The following NCKAP5 variants were observed in gnomAD, a reference collection of about 807,000 sequenced individuals.
NCKAP5 encodes NCK associated protein 5.
In NCKAP5, 92 loss-of-function variants were observed where a neutral mutation model predicts 167.0. The observed-to-expected ratio is 0.55, with a 90% confidence interval of 0.47 to 0.66. The LOEUF (loss-of-function observed/expected upper bound fraction) is 0.66. Ranked by LOEUF, NCKAP5 falls within the 30% of genes least tolerant of loss-of-function variation. The probability of loss-of-function intolerance (pLI) is 0.00; values close to 1 mark genes in which losing one functional copy is unlikely to be tolerated. For missense variants in NCKAP5, 2,378 were observed against 2,315.0 expected (o/e 1.03, Z -0.56); for synonymous variants, 891 against 877.4 (o/e 1.02, Z -0.27).
chr2:132,779,206 G>A (rs1417028219), intron 15 of NCKAP5, among the ~76,000 whole-genome samples: 1 of 152,152 alleles, frequency 6.6e-6, no homozygotes, highest in Non-Finnish European at 1.5e-5. Flanking sequence ...GATGAGAGAG[G>A]AAAAGCATGG....
intron 19 of NCKAP5, among the ~76,000 whole-genome samples, chr2:132,673,810 A>G (rs970250332): frequency 1.2e-4 from 18 of 152,290 alleles, no homozygotes; most frequent in African/African-American, 4.3e-4. Context: ...GTCCCTTTAT[A>G]GGACTTAAGA....
At chr2:133,565,094 G>A (rs1017303580) in intron 1 of NCKAP5, among the ~76,000 whole-genome samples, 18 of 152,184 alleles carry the variant, frequency 1.2e-4, no homozygotes, top group Admixed American at 1.1e-3. Flanking sequence ...AAGATATGGA[G>A]GATAAACTGA....
intron 6 of NCKAP5, among the ~76,000 whole-genome samples, chr2:133,082,102 G>A (rs2080830574): frequency 1.3e-5 from 2 of 152,066 alleles, no homozygotes; most frequent in African/African-American, 4.8e-5. Context: ...TGTTCTCAAT[G>A]TTGAGCTTCT....
intron 5 of NCKAP5, among the ~76,000 whole-genome samples, chr2:133,133,304 G>C (rs1178764411): frequency 6.6e-6 from 1 of 152,196 alleles, no homozygotes; most frequent in Non-Finnish European, 1.5e-5. Context: ...CCACTGAGCT[G>C]GGATGGCTTG....
chr2:133,427,692 A>G (rs1264601352), intron 3 of NCKAP5, among the ~76,000 whole-genome samples: 1 of 152,166 alleles, frequency 6.6e-6, no homozygotes, highest in Non-Finnish European at 1.5e-5. Flanking sequence ...GCAATGTGAG[A>G]AAATCACATA....
chr2:133,542,537 A>T (rs894964563), intron 2 of NCKAP5, among the ~76,000 whole-genome samples: 12 of 152,322 alleles, frequency 7.9e-5, no homozygotes, highest in African/African-American at 2.9e-4. Flanking sequence ...GCCTTCAAGT[A>T]GCAAACCTCA....
At chr2:133,391,929 C>T (rs751289128) in intron 3 of NCKAP5, among the ~76,000 whole-genome samples, 1 of 152,208 alleles carries the variant, frequency 6.6e-6, no homozygotes, top group Non-Finnish European at 1.5e-5. Flanking sequence ...ACCAAGATTG[C>T]TATCACAGCA....
chr2:133,617,361 C>T, the NCKAP5 span, among the ~76,000 whole-genome samples: 130,827 of 150,368 alleles, frequency 0.87, 58,255 homozygotes, highest in Non-Finnish European at 0.98. Flanking sequence ...GGAAGTCAAA[C>T]TGTCCCTGTT....
At chr2:133,671,075 C>T in the NCKAP5 span, among the ~76,000 whole-genome samples, 11,899 of 151,754 alleles carry the variant, frequency 0.078, 523 homozygotes, top group African/African-American at 0.11. Context: ...ATTAGCTGGG[C>T]GTGGTGGCAG....
intron 3 of NCKAP5, among the ~76,000 whole-genome samples, chr2:133,469,965 T>C (rs1385455511): frequency 7.3e-5 from 11 of 151,656 alleles, no homozygotes; most frequent in South Asian, 2.1e-4. Context: ...AATGTCCTCC[T>C]GTAGCTCAGA....
At chr2:132,766,457 TTTC>T in intron 16 of NCKAP5, among the ~76,000 whole-genome samples, 1 of 152,184 alleles carries the variant, frequency 6.6e-6, no homozygotes, top group East Asian at 1.9e-4. Flanking sequence ...CACTTTACAG[TTTC>T]TTCTAGTCCC....
At chr2:132,773,164 A>C (rs1682236648) in intron 16 of NCKAP5, among the ~76,000 whole-genome samples, 1 of 152,142 alleles carries the variant, frequency 6.6e-6, no homozygotes, top group Non-Finnish European at 1.5e-5. Context: ...GGCCTGGAGG[A>C]GCTAAAGGTG....
chr2:133,593,594 A>G, the NCKAP5 span, among the ~76,000 whole-genome samples: 4 of 152,192 alleles, frequency 2.6e-5, no homozygotes, highest in Admixed American at 1.3e-4. Flanking sequence ...TGACAGACTA[A>G]TGTTTGGGTG....
the NCKAP5 span, among the ~76,000 whole-genome samples, chr2:133,585,907 C>T: frequency 6.6e-6 from 1 of 152,154 alleles, no homozygotes; most frequent in Non-Finnish European, 1.5e-5. Context: ...AAGCTCCTTC[C>T]ATCTCTTAGT....
intron 8 of NCKAP5, among the ~76,000 whole-genome samples, chr2:132,920,766 T>C (rs1695320215): frequency 3.9e-5 from 2 of 51,248 alleles, no homozygotes; most frequent in Non-Finnish European, 6.5e-5. Flanking sequence ...TGTATATATA[T>C]GTATGTATAT....
chr2:132,754,767 CT>C (rs1423289696), intron 16 of NCKAP5, among the ~76,000 whole-genome samples: 1 of 152,200 alleles, frequency 6.6e-6, no homozygotes, highest in Non-Finnish European at 1.5e-5. Flanking sequence ...GACATCAAGT[CT>C]TTTTGGTAAT....
chr2:133,661,578 C>T, the NCKAP5 span, among the ~76,000 whole-genome samples: 6 of 152,220 alleles, frequency 3.9e-5, no homozygotes, highest in African/African-American at 1.4e-4. Context: ...AGTTCGCCCA[C>T]ACTCATGAAT....
At chr2:133,167,561 C>G (rs1048831720) in intron 5 of NCKAP5, among the ~76,000 whole-genome samples, 1 of 152,114 alleles carries the variant, frequency 6.6e-6, no homozygotes, top group Admixed American at 6.6e-5. Context: ...GGTTAAGAGA[C>G]CTGCTTGAAG....
chr2:132,907,816 C>T (rs1007191870), intron 8 of NCKAP5, among the ~76,000 whole-genome samples: 2 of 151,990 alleles, frequency 1.3e-5, no homozygotes, highest in Non-Finnish European at 2.9e-5. Flanking sequence ...CACCACCATG[C>T]CCGGCTAATT....
Sources: gnomAD v4.1 joint callset for allele counts (sites outside exome capture counted in the v4.1 genomes callset) on GRCh38, gnomAD v4.1.1 for gene constraint, MANE v1.5 for transcripts, NCBI Gene and HGNC (gene_info 2026-07-23, HGNC 2026-07-21) for gene names.